Variants in YWHAQ observed in about 807,000 individuals in gnomAD.
YWHAQ encodes the protein 14-3-3 protein theta.
YWHAQ carries 6 observed loss-of-function variants against 28.3 expected under a neutral mutation model. That is an observed-to-expected ratio of 0.21 (90% confidence interval 0.12 to 0.42). YWHAQ has a LOEUF of 0.42. YWHAQ is among the 10% of genes least tolerant of loss of function. The pLI, the probability that YWHAQ is intolerant of heterozygous loss-of-function variation, is 1.00. For missense variants in YWHAQ, 201 were observed against 305.6 expected (o/e 0.66, Z 2.55); for synonymous variants, 143 against 119.1 (o/e 1.20, Z -1.31).
At chr2:9,601,452 G>A (rs1666691395) in intron 2 of YWHAQ, among the ~76,000 whole-genome samples, 1 of 152,066 alleles carries the variant, frequency 6.6e-6, no homozygotes, top group South Asian at 2.1e-4. Context: ...GACAACAAGA[G>A]TGAAACTCCA....
intron 2 of YWHAQ, among the ~76,000 whole-genome samples, chr2:9,613,587 T>C (rs1666992649): frequency 6.6e-6 from 1 of 152,190 alleles, no homozygotes; most frequent in African/African-American, 2.4e-5. Flanking sequence ...TCCAAGACTC[T>C]AAATACAAAG....
chr2:9,617,565 A>C (rs967073555), intron 2 of YWHAQ, among the ~76,000 whole-genome samples: 1 of 152,090 alleles, frequency 6.6e-6, no homozygotes, highest in Non-Finnish European at 1.5e-5. Flanking sequence ...GAATGTACTT[A>C]ATACCACTGA....
At chr2:9,591,108 T>C (rs1666446583) in intron 3 of YWHAQ, among the ~76,000 whole-genome samples, 1 of 152,098 alleles carries the variant, frequency 6.6e-6, no homozygotes, top group African/African-American at 2.4e-5. Flanking sequence ...AAAAATATGG[T>C]GAACCAAAAT....
At chr2:9,594,059 T>C (rs1666520124) in intron 2 of YWHAQ, among the ~76,000 whole-genome samples, 1 of 151,906 alleles carries the variant, frequency 6.6e-6, no homozygotes, top group East Asian at 1.9e-4. Context: ...TTATGCATTA[T>C]AGAAGTCATG....
intron 2 of YWHAQ, among the ~76,000 whole-genome samples, chr2:9,599,221 C>G (rs1666639304): frequency 6.6e-6 from 1 of 152,108 alleles, no homozygotes; most frequent in Non-Finnish European, 1.5e-5. Context: ...AAATTTGAAG[C>G]TAGGAGAGGT....
intron 2 of YWHAQ, among the ~76,000 whole-genome samples, chr2:9,614,775 C>CTT (rs1667013783): frequency 6.6e-6 from 1 of 152,146 alleles, no homozygotes; most frequent in Non-Finnish European, 1.5e-5. Flanking sequence ...TATTTGCAGG[C>CTT]TAACTTTTCC....
At chr2:9,606,099 A>C (rs1264964635) in intron 2 of YWHAQ, among the ~76,000 whole-genome samples, 1 of 152,188 alleles carries the variant, frequency 6.6e-6, no homozygotes, top group Non-Finnish European at 1.5e-5. Context: ...AGGAACACTT[A>C]AGCTGCTTCC....
chr2:9,615,471 T>TA (rs1256273736), intron 2 of YWHAQ: 1 of 149,120 alleles, frequency 6.7e-6, no homozygotes, highest in Non-Finnish European at 1.5e-5. Flanking sequence ...GAACCACAGG[T>TA]AGTTTCATGT....
intron 2 of YWHAQ, among the ~76,000 whole-genome samples, chr2:9,621,575 A>G (rs748296793): frequency 5.0e-5 from 5 of 100,934 alleles, no homozygotes; most frequent in Admixed American, 2.6e-4. Context: ...AGCTGAAGAC[A>G]TAAGTACAGG....
At chr2:9,623,806 T>G (rs1345412961) in intron 2 of YWHAQ, among the ~76,000 whole-genome samples, 1 of 151,492 alleles carries the variant, frequency 6.6e-6, no homozygotes, top group Non-Finnish European at 1.5e-5. Context: ...TAAAATTAAA[T>G]TTAAAAAGTC....
At position 9,630,033 on chromosome 2, in the gene YWHAQ, C is replaced by T; in HGVS notation, c.294+126G>A. 1 of 1,310,258 alleles carries T rather than the reference C, an allele frequency of 7.6e-7. No homozygotes were observed. Among genetic ancestry groups the T allele is most frequent in the Non-Finnish European group, 1.0e-6 (1 of 957,670 alleles). 81.2% of individuals were successfully genotyped at this position (1,310,258 alleles called of 1,614,324 possible). Reference sequence around the variant, plus strand: ...ACACAGTAGGGAAGTCAGGGCTCACCTAAAACCCTCCACCCCAGCAGACAG... The same window carrying T: ...ACACAGTAGGGAAGTCAGGGCTCACTTAAAACCCTCCACCCCAGCAGACAG... On this transcript the variant is annotated intron_variant, in intron 2 of 5. Coordinates refer to ENST00000238081, the MANE Select transcript of YWHAQ (RefSeq NM_006826.4). The surrounding 1 kb of genome is among the most constrained non-coding windows in gnomAD (Gnocchi z 5.6).
At chr2:9,616,760 G>A (rs945534403) in intron 2 of YWHAQ, among the ~76,000 whole-genome samples, 4 of 152,174 alleles carry the variant, frequency 2.6e-5, no homozygotes, top group African/African-American at 9.7e-5. Context: ...CTTACACTGT[G>A]GTGGGAATGT....
chr2:9,616,872 G>A (rs955060898), intron 2 of YWHAQ, among the ~76,000 whole-genome samples: 2 of 152,186 alleles, frequency 1.3e-5, no homozygotes, highest in African/African-American at 4.8e-5. Context: ...AATTCTCACA[G>A]CAGCATTATT....
chr2:9,613,811 G>A (rs1213646636), intron 2 of YWHAQ, among the ~76,000 whole-genome samples: 3 of 152,072 alleles, frequency 2.0e-5, no homozygotes, highest in East Asian at 1.9e-4. Context: ...AATTAACCAC[G>A]TAAAAAAAAT....
At chr2:9,588,624 A>G (rs962927087) in intron 3 of YWHAQ, among the ~76,000 whole-genome samples, 8 of 152,136 alleles carry the variant, frequency 5.3e-5, no homozygotes, top group African/African-American at 1.7e-4. Context: ...TACAAAAATT[A>G]GCCAGGCGTG....
rs113358518 is a variant in YWHAQ at position 9,596,511 on chromosome 2, A to C, written c.295-4996T>G. Among the ~76,000 whole-genome samples the C allele has an allele frequency of 2.8e-3, 433 of 152,284 alleles. 4 individuals carry two copies. The highest frequency in any genetic ancestry group is 9.7e-3 in the African/African-American group (402 of 41,572). On this transcript the variant is annotated intron_variant, in intron 2 of 5. Coordinates refer to ENST00000238081, the MANE Select transcript of YWHAQ (RefSeq NM_006826.4). ...CACGCAAAATAACAGGAAGCAAAAAAATGTTCTAAGAAGTTTCATTTTCCT... is the reference window on the plus strand; with the variant it reads ...CACGCAAAATAACAGGAAGCAAAAACATGTTCTAAGAAGTTTCATTTTCCT...
intron 2 of YWHAQ, among the ~76,000 whole-genome samples, chr2:9,593,428 C>G (rs926021526): frequency 7.9e-5 from 12 of 151,964 alleles, no homozygotes; most frequent in African/African-American, 2.7e-4. Context: ...AGGCTGGTCT[C>G]AAACTCCTGA....
chr2:9,630,463 G>C lies in YWHAQ; in HGVS notation c.-11C>G. 1 of 1,575,590 alleles carries C rather than the reference G, an allele frequency of 6.3e-7. No homozygotes were observed. Among genetic ancestry groups the C allele is most frequent in the Non-Finnish European group, 8.6e-7 (1 of 1,163,096 alleles). On this transcript the variant is annotated 5_prime_UTR_variant, in exon 2 of 6. Transcript: ENST00000238081. This position sits in a 1 kb window ranked among gnomAD's most constrained non-coding sequence, Gnocchi z 5.6. ...CTCAGTCTTCTCCATGGCGGGCGCG[G>C]GGCCGGGGCCGGGGCGGAGGGCGAG...
chr2:9,621,552 T>G (rs1461139688), intron 2 of YWHAQ, among the ~76,000 whole-genome samples: 2 of 152,138 alleles, frequency 1.3e-5, no homozygotes, highest in Non-Finnish European at 2.9e-5. Context: ...CCCATACATT[T>G]CTAGCAGTTA....
Sources: gnomAD v4.1 joint callset for allele counts (sites outside exome capture counted in the v4.1 genomes callset) on GRCh38, gnomAD v4.1.1 for gene constraint, Gnocchi (gnomAD v3.1) non-coding constraint, MANE v1.5 for transcripts, NCBI Gene and HGNC (gene_info 2026-07-23, HGNC 2026-07-21) for gene names.